The following NSDHL variants were observed in gnomAD, a reference collection of about 807,000 sequenced individuals.
NSDHL encodes sterol-4-alpha-carboxylate 3-dehydrogenase, decarboxylating.
In NSDHL, 1 loss-of-function variant was observed where a neutral mutation model predicts 23.0. That is an observed-to-expected ratio of 0.04 (90% CI 0.02 to 0.21). The LOEUF is 0.21. NSDHL is among the 10% of genes least tolerant of loss of function. The pLI, the probability that NSDHL is intolerant of heterozygous loss-of-function variation, is 1.00. For missense variants in NSDHL, 237 were observed against 300.9 expected (o/e 0.79, Z 1.57); for synonymous variants, 128 against 121.1 (o/e 1.06, Z -0.37).
chrX:152,832,671 A>T (rs919527476), intron 1 of NSDHL, among the ~76,000 whole-genome samples: 1 of 111,830 alleles, frequency 8.9e-6, no homozygotes, highest in Non-Finnish European at 1.9e-5. Context: ...GCAGATCGGA[A>T]GCCTGACAGA....
At chrX:152,848,625 A>T (rs1161763858) in intron 2 of NSDHL, among the ~76,000 whole-genome samples, 1 of 112,822 alleles carries the variant, frequency 8.9e-6, no homozygotes, top group Non-Finnish European at 1.9e-5. Flanking sequence ...ACCTGTAACT[A>T]GAGATGCCAA....
At chrX:152,864,486 C>G (rs1051053459) in intron 5 of NSDHL, among the ~76,000 whole-genome samples, 1 of 112,288 alleles carries the variant, frequency 8.9e-6, no homozygotes, top group Non-Finnish European at 1.9e-5. Context: ...CTGAGCCCAT[C>G]TAGGCTCAGG....
intron 6 of NSDHL, among the ~76,000 whole-genome samples, chrX:152,867,053 C>T (rs1933617966): frequency 8.9e-6 from 1 of 111,811 alleles, no homozygotes; most frequent in South Asian, 3.7e-4. Flanking sequence ...GGGGCCTCCA[C>T]AGGGGACAAC....
At chrX:152,868,126 G>A (rs1360433791) in intron 7 of NSDHL, among the ~76,000 whole-genome samples, 1 of 108,974 alleles carries the variant, frequency 9.2e-6, no homozygotes, top group Admixed American at 9.8e-5. Flanking sequence ...AATAGGGTGG[G>A]TGTGGCATTT....
At chrX:152,836,600 A>T (rs1326726082) in intron 1 of NSDHL, among the ~76,000 whole-genome samples, 1 of 111,972 alleles carries the variant, frequency 8.9e-6, no homozygotes, top group African/African-American at 3.3e-5. Flanking sequence ...TTTGTTAAAG[A>T]TCAGATGGTT....
chrX:152,847,176 AC>A (rs1214945598), intron 2 of NSDHL, among the ~76,000 whole-genome samples: 5 of 111,311 alleles, frequency 4.5e-5, no homozygotes, highest in African/African-American at 1.3e-4. Flanking sequence ...GGTGGCAGAC[AC>A]CTGTAATCCC....
intron 1 of NSDHL, among the ~76,000 whole-genome samples, chrX:152,845,726 C>T (rs1405685156): frequency 7.2e-5 from 8 of 111,640 alleles, no homozygotes; most frequent in Non-Finnish European, 1.5e-4. Context: ...AGGAGAGCTC[C>T]GTCTCCTATT....
At chrX:152,862,827 T>A in intron 5 of NSDHL, 103 bp downstream of exon 5, 2 of 792,392 alleles carry the variant, frequency 2.5e-6, no homozygotes, top group Non-Finnish European at 3.8e-6. Flanking sequence ...CCTACGTACC[T>A]GATTTGAGAT....
intron 6 of NSDHL, 113 bp from the exon 7 acceptor site, chrX:152,867,458 G>A: frequency 1.7e-6 from 1 of 585,373 alleles, no homozygotes; most frequent in South Asian, 2.4e-5. Flanking sequence ...TGCCAAGTGA[G>A]GTGGCAGCCA....
Position 152,867,651 on chromosome X carries a change from G to A in NSDHL, c.767G>A (p.Arg256Gln), listed in dbSNP as rs1319475697. Reference protein sequence around the residue: ...GHILAAEQLSRDSTLGGKAFH... With the variant: ...GHILAAEQLSQDSTLGGKAFH... ...ATCCTGGCGGCAGAGCAGCTCTCCC[G>A]AGACTCGACACTGGGTGGGAAGGTA... The change falls in exon 7 of 8, where the codon CGA becomes CAA. Residue 256 changes from arginine (R) to glutamine (Q), a missense_variant. By Grantham distance (43) the Arg-to-Gln change is conservative. This residue lies in a region of NSDHL where 117 missense variants were observed against 99.5 expected (regional missense o/e 1.18). Transcript: ENST00000370274. The A allele has an allele frequency of 3.4e-5, 41 of 1,202,217 alleles. No individual in the cohort carries two copies. The highest frequency in any genetic ancestry group is 4.4e-5 in the Non-Finnish European group (39 of 887,969).
intron 7 of NSDHL, among the ~76,000 whole-genome samples, chrX:152,868,502 C>T (rs1039859367): frequency 8.9e-6 from 1 of 112,201 alleles, no homozygotes; most frequent in East Asian, 2.8e-4. Flanking sequence ...TTCATTGCAT[C>T]CAAAGATATG....
At chrX:152,844,902 A>G (rs1313426085) in intron 1 of NSDHL, among the ~76,000 whole-genome samples, 2 of 111,999 alleles carry the variant, frequency 1.8e-5, no homozygotes, top group Non-Finnish European at 3.8e-5. Flanking sequence ...CTAGATACAC[A>G]TTGAGTCCCA....
In NSDHL at chrX:152,862,593, C is replaced by G; in HGVS notation, c.415-3C>G. On this transcript the variant is annotated splice_region_variant and splice_polypyrimidine_tract_variant and intron_variant, in intron 4 of 7. Transcript: ENST00000370274. ...TTTATTTTTTCTGACCTTCCTCTGT[C>G]AGAAACTCATTTTAACCAGCAGTGC... is the stretch of plus-strand genomic sequence containing the variant. 1 of 1,207,731 alleles carries G rather than the reference C, an allele frequency of 8.3e-7. No individual in the cohort carries two copies.
At chrX:152,853,646 C>T (rs1318006441) in intron 3 of NSDHL, among the ~76,000 whole-genome samples, 1 of 112,468 alleles carries the variant, frequency 8.9e-6, no homozygotes, top group Non-Finnish European at 1.9e-5. Flanking sequence ...CACGTCCCCA[C>T]TACCTGTCTG....
chrX:152,853,274 C>G (rs1201334647), intron 3 of NSDHL, among the ~76,000 whole-genome samples: 1 of 109,982 alleles, frequency 9.1e-6, no homozygotes, highest in Non-Finnish European at 1.9e-5. Context: ...CCCACCACAG[C>G]AAACCTATTT....
At chrX:152,843,778 T>G (rs1225419528) in intron 1 of NSDHL, among the ~76,000 whole-genome samples, 3 of 112,822 alleles carry the variant, frequency 2.7e-5, no homozygotes, top group Non-Finnish European at 3.7e-5. Context: ...ATTCATTGAA[T>G]GAGGCCAAAG....
intron 3 of NSDHL, among the ~76,000 whole-genome samples, chrX:152,857,207 C>T (rs1241221938): frequency 8.9e-6 from 1 of 112,588 alleles, no homozygotes; most frequent in African/African-American, 3.2e-5. Context: ...ATACCCAGTA[C>T]ATTGATTATT....
chrX:152,849,608 G>A (rs1034173916), intron 2 of NSDHL, among the ~76,000 whole-genome samples: 1 of 112,672 alleles, frequency 8.9e-6, no homozygotes, highest in African/African-American at 3.2e-5. Flanking sequence ...CTTGTAGTTC[G>A]GAGGAGGGAA....
At chrX:152,837,449 T>G (rs1399223892) in intron 1 of NSDHL, among the ~76,000 whole-genome samples, 1 of 111,831 alleles carries the variant, frequency 8.9e-6, no homozygotes, top group African/African-American at 3.3e-5. Context: ...AAGTAGCTCT[T>G]ATTATTTTGA....
Sources: allele counts gnomAD v4.1 joint callset (sites outside exome capture counted in the v4.1 genomes callset), GRCh38; gene constraint gnomAD v4.1.1; regional missense constraint gnomAD v4.1.1; transcripts MANE v1.5; gene names NCBI Gene and HGNC (gene_info 2026-07-23, HGNC 2026-07-21).